Variants in TBXAS1 observed in about 807,000 individuals in gnomAD.
The protein encoded by TBXAS1 is thromboxane-A synthase.
Under a neutral mutation model 60.7 loss-of-function variants are expected in TBXAS1, and 48 were observed. That is an observed-to-expected ratio of 0.79 (90% CI 0.63 to 1.01). TBXAS1 has a LOEUF of 1.01. TBXAS1 is among the 50% of genes least tolerant of loss of function. TBXAS1 has a pLI of 0.00. For missense variants in TBXAS1, 685 were observed against 686.3 expected, an observed-to-expected ratio of 1.00 and a Z score of 0.02; for synonymous variants, 287 against 269.7, an observed-to-expected ratio of 1.06 and a Z score of -0.63.
At position 139,794,094 on chromosome 7, in the gene TBXAS1, C is replaced by CT. The variant is rs556151113; in HGVS notation, c.-80+6680dup. Among the ~76,000 whole-genome samples, 137 of 142,584 alleles carry CT rather than the reference C, an allele frequency of 9.6e-4. 1 individual carries two copies. Among genetic ancestry groups the CT allele is most frequent in the Non-Finnish European group, 1.1e-3 (70 of 64,470 alleles). The allele number at this position is 142,584 out of a possible 152,430, so 93.5% of individuals were successfully genotyped here. A position where few individuals can be genotyped will look rare whatever the true frequency, so the allele number is the denominator to read the frequency against. On this transcript the variant is annotated intron_variant, in intron 4 of 16. Coordinates refer to the TBXAS1 transcript ENST00000336425. ...GCTAACAGTTGGCACAAGACACTTT[C>CT]TTTTTTTTTTTTGGTCTGTTTATTT... is the stretch of plus-strand genomic sequence containing the variant.
At position 139,809,233 on chromosome 7, in the gene TBXAS1, T is replaced by TAGATAGATAGATAGATAGATGATA. The variant is rs1554466810; in HGVS notation, c.-79-20079_-79-20078insAGATAGATAGATAGATAGATGATA. 3.1e-5 allele frequency among the ~76,000 whole-genome samples: 4 copies of TAGATAGATAGATAGATAGATGATA among 130,996 alleles called. 1 individual carries two copies. The highest frequency in any genetic ancestry group is 2.4e-4 in the Admixed American group (3 of 12,286). The allele number at this position is 130,996 out of a possible 152,430, so 85.9% of individuals were successfully genotyped here. A position where few individuals can be genotyped will look rare whatever the true frequency, so the allele number is the denominator to read the frequency against. On this transcript the variant is annotated intron_variant, in intron 4 of 16. Transcript: ENST00000336425. ...ATAGATAGATAGATAGATAGATAGA[T>TAGATAGATAGATAGATAGATGATA]GATAGATAGATAGATAGATAGATAG...
intron 4 of TBXAS1, among the ~76,000 whole-genome samples, chr7:139,912,000 G>T (rs899978558): frequency 5.3e-5 from 8 of 152,230 alleles, no homozygotes; most frequent in Admixed American, 3.9e-4. Flanking sequence ...GGAGGCCAAG[G>T]AGGGTGGATT....
At chr7:139,997,090 T>A (rs899202071) in intron 9 of TBXAS1, among the ~76,000 whole-genome samples, 2 of 152,166 alleles carry the variant, frequency 1.3e-5, no homozygotes, top group African/African-American at 4.8e-5. Flanking sequence ...TAAAAATAAA[T>A]CTGTGAATGA....
chr7:139,985,762 C>A (rs1812407949), intron 9 of TBXAS1, among the ~76,000 whole-genome samples: 1 of 152,234 alleles, frequency 6.6e-6, no homozygotes, highest in South Asian at 2.1e-4. Context: ...CCCACTATAG[C>A]ATCCCCCAAT....
chr7:139,813,948 T>C (rs151141009), intron 4 of TBXAS1, among the ~76,000 whole-genome samples: 1 of 152,340 alleles, frequency 6.6e-6, no homozygotes, highest in African/African-American at 2.4e-5. Context: ...TTGCATGTTA[T>C]GTGGATGTGG....
chr7:139,891,116 G>C (rs1057408341), intron 3 of TBXAS1, among the ~76,000 whole-genome samples: 1 of 151,956 alleles, frequency 6.6e-6, no homozygotes, highest in Admixed American at 6.6e-5. Flanking sequence ...CCTGTCCACT[G>C]TCCCAGGAGG....
chr7:139,833,716 G>A (rs377395609), intron 1 of TBXAS1, among the ~76,000 whole-genome samples: 3 of 151,646 alleles, frequency 2.0e-5, no homozygotes, highest in African/African-American at 7.3e-5. Flanking sequence ...AGACAAAGAG[G>A]GACATTATAG....
chr7:139,921,222 A>C (rs1405701871), intron 4 of TBXAS1, among the ~76,000 whole-genome samples: 1 of 152,142 alleles, frequency 6.6e-6, no homozygotes, highest in African/African-American at 2.4e-5. Flanking sequence ...GGGTTCCCTC[A>C]TGCCTCTTCT....
intron 9 of TBXAS1, among the ~76,000 whole-genome samples, chr7:139,987,355 C>G (rs1812568574): frequency 6.6e-6 from 1 of 152,160 alleles, no homozygotes; most frequent in Admixed American, 6.5e-5. Flanking sequence ...TCTATTCCCC[C>G]AACCAAGACG....
intron 1 of TBXAS1, among the ~76,000 whole-genome samples, chr7:139,831,445 G>A (rs1416900413): frequency 1.3e-5 from 2 of 152,338 alleles, no homozygotes; most frequent in Admixed American, 1.3e-4. Flanking sequence ...GGATATGTGT[G>A]GAAGAGACAG....
At chr7:139,875,803 C>G in intron 3 of TBXAS1, 166 bp downstream of exon 3, 1 of 909,422 alleles carries the variant, frequency 1.1e-6, no homozygotes, top group Non-Finnish European at 1.7e-6. Flanking sequence ...GCAGTACAGA[C>G]AAGGCTTCTA....
chr7:140,016,069 C>T (rs1327716876), intron 11 of TBXAS1, among the ~76,000 whole-genome samples: 2 of 152,184 alleles, frequency 1.3e-5, no homozygotes, highest in Non-Finnish European at 2.9e-5. Context: ...TGGCTCATGC[C>T]TGTAATCCCA....
chr7:139,796,134 C>A (rs1253811918), intron 4 of TBXAS1, among the ~76,000 whole-genome samples: 3 of 152,096 alleles, frequency 2.0e-5, no homozygotes, highest in Non-Finnish European at 4.4e-5. Flanking sequence ...ACTTTTATAT[C>A]ATTTTGCCTA....
intron 4 of TBXAS1, among the ~76,000 whole-genome samples, chr7:139,793,733 A>G (rs750452557): frequency 1.3e-5 from 2 of 152,250 alleles, no homozygotes; most frequent in Admixed American, 6.5e-5. Flanking sequence ...ATTGAATAGC[A>G]TAATAATGAA....
At chr7:139,990,391 A>AG (rs1234885332) in intron 9 of TBXAS1, among the ~76,000 whole-genome samples, 1 of 152,210 alleles carries the variant, frequency 6.6e-6, no homozygotes, top group Non-Finnish European at 1.5e-5. Flanking sequence ...TGACTACTGC[A>AG]GCTACCTGTG....
intron 11 of TBXAS1, among the ~76,000 whole-genome samples, chr7:140,017,266 C>G (rs895266469): frequency 2.0e-5 from 3 of 152,178 alleles, no homozygotes; most frequent in African/African-American, 7.2e-5. Context: ...GCCAAGGAAG[C>G]AGGTGGCGGC....
chr7:139,996,122 CCAT>C (rs1243114167), intron 9 of TBXAS1, among the ~76,000 whole-genome samples: 3 of 152,116 alleles, frequency 2.0e-5, no homozygotes, highest in Non-Finnish European at 2.9e-5. Flanking sequence ...GTGCACACCA[CCAT>C]GTCTGGCATT....
intron 4 of TBXAS1, 89 bp from the exon 5 acceptor site, chr7:139,936,102 T>C (rs745759030): frequency 2.7e-5 from 33 of 1,237,830 alleles, no homozygotes; most frequent in South Asian, 3.6e-5. Context: ...TGATGGACTT[T>C]AACCAGGGTG....
At chr7:139,877,041 C>G (rs1472297015) in intron 3 of TBXAS1, among the ~76,000 whole-genome samples, 1 of 152,052 alleles carries the variant, frequency 6.6e-6, no homozygotes, top group African/African-American at 2.4e-5. Context: ...TACATTTCTG[C>G]TGAATCATTT....
Sources: allele counts gnomAD v4.1 joint callset (sites outside exome capture counted in the v4.1 genomes callset), GRCh38; gene constraint gnomAD v4.1.1; transcripts MANE v1.5; gene names NCBI Gene and HGNC (gene_info 2026-07-23, HGNC 2026-07-21).